Variants in FHIT observed in about 807,000 individuals in gnomAD.
FHIT encodes the protein bis(5'-adenosyl)-triphosphatase.
In FHIT, 19 loss-of-function variants were observed where a neutral mutation model predicts 17.9. That is an observed-to-expected ratio of 1.06 (90% confidence interval 0.74 to 1.56). FHIT has a LOEUF of 1.56. FHIT is among the 40% of genes most tolerant of loss of function. FHIT has a pLI of 0.00. For missense variants in FHIT, 248 were observed against 189.2 expected (o/e 1.31, Z -1.82); for synonymous variants, 81 against 69.7 (o/e 1.16, Z -0.81).
At chr3:59,840,065 CAGG>C (rs946344749) in intron 8 of FHIT, among the ~76,000 whole-genome samples, 2 of 152,156 alleles carry the variant, frequency 1.3e-5, no homozygotes, top group South Asian at 2.1e-4. Flanking sequence ...AGAAAAGCCA[CAGG>C]AGGAGTCAGA....
chr3:60,595,051 G>A (rs545616287), intron 4 of FHIT, among the ~76,000 whole-genome samples: 6 of 152,178 alleles, frequency 3.9e-5, no homozygotes, highest in South Asian at 2.1e-4. Context: ...GTCCCAAGGC[G>A]TCTACCTGGC....
chr3:60,475,155 A>G (rs2033281989), intron 5 of FHIT, among the ~76,000 whole-genome samples: 1 of 148,604 alleles, frequency 6.7e-6, no homozygotes, highest in Non-Finnish European at 1.5e-5. Context: ...GTGTTTTACT[A>G]TGTGCCAGGC....
intron 4 of FHIT, among the ~76,000 whole-genome samples, chr3:60,784,405 C>T (rs1273419431): frequency 1.3e-5 from 2 of 150,828 alleles, no homozygotes; most frequent in Non-Finnish European, 2.9e-5. Flanking sequence ...GGCACAATCT[C>T]AGCTGACTGC....
chr3:60,083,949 T>A (rs1030669754), intron 5 of FHIT, among the ~76,000 whole-genome samples: 2 of 152,224 alleles, frequency 1.3e-5, no homozygotes, highest in African/African-American at 4.8e-5. Context: ...TGCCTCAGCA[T>A]CAAATTCACC....
intron 2 of FHIT, among the ~76,000 whole-genome samples, chr3:61,081,301 T>A (rs2035129879): frequency 1.3e-5 from 2 of 152,178 alleles, no homozygotes; most frequent in African/African-American, 4.8e-5. Flanking sequence ...CTGCCCCTCC[T>A]GCTGCCATTC....
At chr3:60,332,233 A>G (rs112137306) in intron 5 of FHIT, among the ~76,000 whole-genome samples, 7 of 152,194 alleles carry the variant, frequency 4.6e-5, no homozygotes, top group African/African-American at 1.7e-4. Flanking sequence ...ATTTTCTACT[A>G]TCTCAAAACT....
At chr3:60,457,251 G>C (rs1576687224) in intron 5 of FHIT, among the ~76,000 whole-genome samples, 1 of 151,952 alleles carries the variant, frequency 6.6e-6, no homozygotes, top group Non-Finnish European at 1.5e-5. Context: ...CAATGGAACA[G>C]AACAGAGCCC....
At chr3:60,200,990 G>T (rs1333698195) in intron 5 of FHIT, among the ~76,000 whole-genome samples, 2 of 152,064 alleles carry the variant, frequency 1.3e-5, no homozygotes, top group Non-Finnish European at 2.9e-5. Context: ...AATGGTCCCT[G>T]TCTCCAACAG....
chr3:59,929,202 A>G (rs1411903762), intron 7 of FHIT, among the ~76,000 whole-genome samples: 1 of 151,810 alleles, frequency 6.6e-6, no homozygotes, highest in Non-Finnish European at 1.5e-5. Flanking sequence ...CAACAAGTAG[A>G]GAATGAATAC....
chr3:60,502,170 C>T (rs2034551307), intron 5 of FHIT, among the ~76,000 whole-genome samples: 1 of 152,160 alleles, frequency 6.6e-6, no homozygotes, highest in Non-Finnish European at 1.5e-5. Flanking sequence ...TTGTTCTTCT[C>T]TCAGTTAAGA....
intron 8 of FHIT, among the ~76,000 whole-genome samples, chr3:59,757,946 A>T (rs1701303564): frequency 6.6e-6 from 1 of 152,150 alleles, no homozygotes; most frequent in Non-Finnish European, 1.5e-5. Flanking sequence ...ATGAAAGATG[A>T]TACAAAGATA....
Position 60,029,897 on chromosome 3 carries a change from C to CTGTGTGTGTCTGTG in FHIT, c.104-15746_104-15745insCACAGACACACACA, listed in dbSNP as rs1354637337. 2.9e-3 allele frequency among the ~76,000 whole-genome samples: 372 copies of CTGTGTGTGTCTGTG among 127,902 alleles called. 2 individuals are homozygous for CTGTGTGTGTCTGTG. Among genetic ancestry groups the CTGTGTGTGTCTGTG allele is most frequent in the African/African-American group, 0.011 (329 of 30,156 alleles). 83.9% of individuals were successfully genotyped at this position (127,902 alleles called of 152,430 possible). Reference sequence around the variant, plus strand: ...AGAAGCATTGTGTGTGTGTGTGTGTCTGTGTGTGTGTGTGTGTGTGTGTGT... The same window carrying CTGTGTGTGTCTGTG: ...AGAAGCATTGTGTGTGTGTGTGTGTCTGTGTGTGTCTGTGTGTGTGTGTGTGTGTGTGTGTGTGT... On this transcript the variant is annotated intron_variant, in intron 5 of 9. Transcript: ENST00000492590.
chr3:60,089,874 T>C (rs941917362), intron 5 of FHIT, among the ~76,000 whole-genome samples: 1 of 152,052 alleles, frequency 6.6e-6, no homozygotes, highest in African/African-American at 2.4e-5. Context: ...AACATGCAAT[T>C]TGGAGGAGAC....
At chr3:60,669,423 A>C (rs2040461316) in intron 4 of FHIT, among the ~76,000 whole-genome samples, 1 of 152,198 alleles carries the variant, frequency 6.6e-6, no homozygotes, top group Non-Finnish European at 1.5e-5. Context: ...ACATGTGATA[A>C]TGCTGTGACA....
intron 3 of FHIT, among the ~76,000 whole-genome samples, chr3:60,981,963 T>TC (rs1469416315): frequency 1.3e-5 from 2 of 152,142 alleles, no homozygotes; most frequent in Non-Finnish European, 2.9e-5. Context: ...CCTCGAGTCC[T>TC]CCCCTTCACT....
chr3:60,196,950 C>A (rs1702673691), intron 5 of FHIT, among the ~76,000 whole-genome samples: 1 of 152,066 alleles, frequency 6.6e-6, no homozygotes, highest in Non-Finnish European at 1.5e-5. Context: ...TACAGCCATG[C>A]AGACACCCCA....
At chr3:60,930,588 T>C (rs1356186095) in intron 3 of FHIT, among the ~76,000 whole-genome samples, 1 of 152,160 alleles carries the variant, frequency 6.6e-6, no homozygotes, top group African/African-American at 2.4e-5. Flanking sequence ...GGAAGACATT[T>C]ATGAAGCCAA....
intron 2 of FHIT, among the ~76,000 whole-genome samples, chr3:61,196,871 T>C (rs1225110976): frequency 6.6e-6 from 1 of 152,146 alleles, no homozygotes; most frequent in Admixed American, 6.5e-5. Flanking sequence ...GGGAAGAATA[T>C]TTCAACCTCG....
At chr3:60,967,289 A>T (rs1311675660) in intron 3 of FHIT, among the ~76,000 whole-genome samples, 1 of 152,220 alleles carries the variant, frequency 6.6e-6, no homozygotes, top group African/African-American at 2.4e-5. Context: ...GTTATACCAC[A>T]TTGGTGGTAA....
Sources: allele counts gnomAD v4.1 joint callset (sites outside exome capture counted in the v4.1 genomes callset), GRCh38; gene constraint gnomAD v4.1.1; transcripts MANE v1.5; gene names NCBI Gene and HGNC (gene_info 2026-07-23, HGNC 2026-07-21).